PAPPA2: variants seen among roughly 807,000 people sequenced by gnomAD.
The protein encoded by PAPPA2 is pappalysin-2.
PAPPA2 carries 86 observed loss-of-function variants against 176.4 expected under a neutral mutation model. That is an observed-to-expected ratio of 0.49 (90% CI 0.41 to 0.58). PAPPA2 has a LOEUF of 0.58. Among genes scored for constraint, PAPPA2 ranks in the 20% least tolerant of loss-of-function variants. The pLI, the probability that PAPPA2 is intolerant of heterozygous loss-of-function variation, is 0.00. For synonymous variants in PAPPA2, 809 were observed against 852.2 expected (o/e 0.95, Z 0.88); for missense variants, 2,073 against 2,256.9 (o/e 0.92, Z 1.65).
At chr1:176,834,455 G>A (rs1667192697) in intron 21 of PAPPA2, among the ~76,000 whole-genome samples, 1 of 152,172 alleles carries the variant, frequency 6.6e-6, no homozygotes, top group South Asian at 2.1e-4. Context: ...TTCCGCACAT[G>A]ACAGCAATGA....
At chr1:176,838,960 T>C (rs1241104213) in intron 21 of PAPPA2, among the ~76,000 whole-genome samples, 1 of 152,258 alleles carries the variant, frequency 6.6e-6, no homozygotes, top group Non-Finnish European at 1.5e-5. Context: ...CTGATGTAAC[T>C]CAATTGCTGA....
chr1:176,470,396 C>G (rs1651816540), intron 1 of PAPPA2, among the ~76,000 whole-genome samples: 1 of 152,188 alleles, frequency 6.6e-6, no homozygotes, highest in African/African-American at 2.4e-5. Context: ...AAAACAGTCT[C>G]CTTCCCTTAG....
intron 12 of PAPPA2, among the ~76,000 whole-genome samples, chr1:176,717,408 T>C (rs1002797682): frequency 1.3e-5 from 2 of 152,226 alleles, no homozygotes; most frequent in Non-Finnish European, 2.9e-5. Flanking sequence ...CGAAAACTCC[T>C]TGCCCCTTTT....
At chr1:176,752,807 G>A (rs1399550357) in intron 14 of PAPPA2, among the ~76,000 whole-genome samples, 2 of 152,186 alleles carry the variant, frequency 1.3e-5, no homozygotes, top group African/African-American at 2.4e-5. Flanking sequence ...GACTTACTCT[G>A]GCTGCCTGGA....
chr1:176,811,841 C>A (rs1666164550), intron 21 of PAPPA2, among the ~76,000 whole-genome samples: 1 of 152,122 alleles, frequency 6.6e-6, no homozygotes, highest in East Asian at 1.9e-4. Flanking sequence ...AAATCAGATT[C>A]CAAATGTTAA....
chr1:176,486,213 G>A (rs1488373918), intron 1 of PAPPA2, among the ~76,000 whole-genome samples: 1 of 152,186 alleles, frequency 6.6e-6, no homozygotes, highest in African/African-American at 2.4e-5. Context: ...TTTATCAATT[G>A]CCTTTAGTTC....
intron 2 of PAPPA2, among the ~76,000 whole-genome samples, chr1:176,573,649 A>G (rs1473919537): frequency 6.6e-6 from 1 of 152,218 alleles, no homozygotes; most frequent in African/African-American, 2.4e-5. Flanking sequence ...TACTTTTTCA[A>G]CTAAATAATT....
intron 3 of PAPPA2, among the ~76,000 whole-genome samples, chr1:176,606,537 T>G (rs868864695): frequency 6.6e-6 from 1 of 152,174 alleles, no homozygotes; most frequent in African/African-American, 2.4e-5. Flanking sequence ...TGATCTCAGC[T>G]CACTGCAACC....
At chr1:176,513,656 T>C in intron 1 of PAPPA2, among the ~76,000 whole-genome samples, 1 of 152,186 alleles carries the variant, frequency 6.6e-6, no homozygotes, top group East Asian at 1.9e-4. Context: ...CTGATTCTGG[T>C]CTCAATTTCC....
Position 176,824,723 on chromosome 1 carries a change from C to A in PAPPA2, c.5203-15450C>A, listed in dbSNP as rs115900321. Among the ~76,000 whole-genome samples, 215 of 152,238 alleles carry A rather than the reference C, an allele frequency of 1.4e-3. 4 individuals are homozygous for A. The highest frequency in any genetic ancestry group is 1.4e-3 in the Non-Finnish European group (92 of 68,030). Reference sequence around the variant, plus strand: ...TTCCCCAAGTGACCTTGGGGCACGACCCTTTGTCCCATTTTTCCCCATCAG... The same window carrying A: ...TTCCCCAAGTGACCTTGGGGCACGAACCTTTGTCCCATTTTTCCCCATCAG... On this transcript the variant is annotated intron_variant, in intron 21 of 22. Coordinates refer to ENST00000367662, the MANE Select transcript of PAPPA2 (RefSeq NM_020318.3).
chr1:176,721,551 T>C (rs1418033086), intron 12 of PAPPA2, among the ~76,000 whole-genome samples: 1 of 152,268 alleles, frequency 6.6e-6, no homozygotes, highest in Non-Finnish European at 1.5e-5. Flanking sequence ...TACAAAATTC[T>C]AGGTAGCCAG....
intron 16 of PAPPA2, 57 bp from the exon 17 acceptor site, chr1:176,770,910 A>T (rs1190865618): frequency 1.3e-6 from 2 of 1,523,830 alleles, no homozygotes; most frequent in Admixed American, 1.7e-5. Context: ...ATCTGCTATG[A>T]TTATCTTTCT....
rs1008595145 is a variant in PAPPA2, at chr1:176,706,354, T to G, written c.3366-5T>G. ...TTATATATGCATATATATTTTACCC[T>G]CTAGGAGACTGGGAGAAGAGTGTGA... On this transcript the variant is annotated splice_region_variant and splice_polypyrimidine_tract_variant and intron_variant, in intron 9 of 22. Transcript: ENST00000367662. The G allele has an allele frequency of 6.2e-6, 10 of 1,613,058 alleles. No individual in the cohort carries two copies. Among genetic ancestry groups the G allele is most frequent in the Non-Finnish European group, 7.6e-6 (9 of 1,179,250 alleles).
At chr1:176,760,316 A>G (rs889439594) in intron 14 of PAPPA2, among the ~76,000 whole-genome samples, 4 of 152,264 alleles carry the variant, frequency 2.6e-5, no homozygotes, top group Non-Finnish European at 5.9e-5. Context: ...TGAGTTTAAT[A>G]TAGTAAAACA....
rs1661067570 is a variant in PAPPA2, at chr1:176,709,978, G to A, written c.3458-5G>A. 1 of 1,589,356 alleles carries A rather than the reference G, an allele frequency of 6.3e-7. No individual in the cohort carries two copies. The highest frequency in any genetic ancestry group is 1.4e-5 in the African/African-American group (1 of 73,674). ...TTTTCTGTGTCACACAATATTTCTT[G>A]GCAGGAGAGCCAAGCCTTTGCTACA... is the stretch of plus-strand genomic sequence containing the variant. On this transcript the variant is annotated splice_polypyrimidine_tract_variant and splice_region_variant and intron_variant, in intron 10 of 22. Transcript: ENST00000367662.
chr1:176,744,757 A>G lies in PAPPA2; in HGVS notation c.4151+4561A>G, dbSNP rs575797020. Among the ~76,000 whole-genome samples the G allele has an allele frequency of 4.3e-4, 65 of 152,288 alleles. No homozygotes were observed. In the South Asian group the frequency reaches 0.011, roughly 26 times the overall value. ...CATTACTATTCTCTCTTTTTCAGGAAACAAAAAGTACATGCTTTGGTTTCC... is the reference window on the plus strand; with the variant it reads ...CATTACTATTCTCTCTTTTTCAGGAGACAAAAAGTACATGCTTTGGTTTCC... On this transcript the variant is annotated intron_variant, in intron 14 of 22. Coordinates refer to ENST00000367662, the MANE Select transcript of PAPPA2 (RefSeq NM_020318.3).
At chr1:176,626,792 C>T (rs1656049834) in intron 3 of PAPPA2, among the ~76,000 whole-genome samples, 1 of 151,920 alleles carries the variant, frequency 6.6e-6, no homozygotes, top group Admixed American at 6.5e-5. Flanking sequence ...GATGAGAAAT[C>T]TCACTACCTT....
At chr1:176,707,770 G>A (rs930512053) in intron 10 of PAPPA2, among the ~76,000 whole-genome samples, 4 of 152,146 alleles carry the variant, frequency 2.6e-5, no homozygotes, top group East Asian at 1.9e-4. Context: ...AATCAAGTGC[G>A]TTTTCCCTGC....
intron 17 of PAPPA2, among the ~76,000 whole-genome samples, chr1:176,776,367 T>C (rs2102919645): frequency 6.6e-6 from 1 of 152,326 alleles, no homozygotes; most frequent in South Asian, 2.1e-4. Context: ...TGGGGTGCTA[T>C]AGTGTCAGAT....
Sources: gnomAD v4.1 joint callset for allele counts (sites outside exome capture counted in the v4.1 genomes callset) on GRCh38, gnomAD v4.1.1 for gene constraint, MANE v1.5 for transcripts, NCBI Gene and HGNC (gene_info 2026-07-23, HGNC 2026-07-21) for gene names.